The following DORIP1 variants were observed in gnomAD, a reference collection of about 807,000 sequenced individuals.
DORIP1 encodes the protein dopamine receptor interacting protein 1, also known as dopamine receptor-interacting protein 1.
At chr14:44,897,655 A>C in the DORIP1 span, 2 of 154,424 alleles carry the variant, frequency 1.3e-5, no homozygotes, top group Non-Finnish European at 2.9e-5. Flanking sequence ...ATTTGTCCGC[A>C]GTTCTGAGCA....
chr14:44,904,684 A>G, the DORIP1 span: 1 of 840,732 alleles, frequency 1.2e-6, no homozygotes, highest in Admixed American at 3.5e-5. Flanking sequence ...TTTATTACAG[A>G]GAGTCAGTTA....
the DORIP1 span, among the ~76,000 whole-genome samples, chr14:44,901,282 T>A: frequency 3.9e-5 from 6 of 152,330 alleles, no homozygotes; most frequent in Admixed American, 3.3e-4. Flanking sequence ...TCTAGGATGT[T>A]TACACACTAT....
At chr14:44,901,074 C>A in the DORIP1 span, 2 of 1,005,346 alleles carry the variant, frequency 2.0e-6, no homozygotes, top group Non-Finnish European at 1.5e-6. Context: ...CCACATATGC[C>A]ATGCTGGTTT....
chr14:44,903,945 AAT>A, the DORIP1 span: 1 of 974,566 alleles, frequency 1.0e-6, no homozygotes, highest in African/African-American at 1.8e-5. Context: ...TGTATAATTC[AAT>A]ATGTTATATT....
At chr14:44,900,887 AAG>A in the DORIP1 span, 6 of 1,613,872 alleles carry the variant, frequency 3.7e-6, no homozygotes, top group South Asian at 2.2e-5. Context: ...TCTACCATTC[AAG>A]AGAGTTACTG....
the DORIP1 span, chr14:44,900,877 T>C: frequency 5.0e-6 from 8 of 1,614,040 alleles, no homozygotes; most frequent in Non-Finnish European, 6.8e-6. Context: ...AAATCTCATG[T>C]CTACCATTCA....
chr14:44,899,901 G>A, the DORIP1 span, among the ~76,000 whole-genome samples: 22 of 141,140 alleles, frequency 1.6e-4, no homozygotes, highest in African/African-American at 5.4e-4. Flanking sequence ...GCGTGATCTC[G>A]GCTCACCGCA....
chr14:44,906,570 T>C, the DORIP1 span: 1 of 152,616 alleles, frequency 6.6e-6, no homozygotes, highest in Admixed American at 6.5e-5. Context: ...TTTATAGTTA[T>C]CAGAACATTA....
the DORIP1 span, chr14:44,897,432 G>C: frequency 1.0e-5 from 2 of 192,894 alleles, no homozygotes; most frequent in African/African-American, 4.8e-5. Flanking sequence ...ACTCACGCCG[G>C]GGGAGGCCGA....
At chr14:44,902,773 A>G in the DORIP1 span, among the ~76,000 whole-genome samples, 1 of 152,152 alleles carries the variant, frequency 6.6e-6, no homozygotes, top group African/African-American at 2.4e-5. Context: ...AAAATCCTAT[A>G]TTTAAAGCAA....
At chr14:44,904,249 A>G in the DORIP1 span, 2 of 1,367,732 alleles carry the variant, frequency 1.5e-6, no homozygotes, top group Non-Finnish European at 1.9e-6. Context: ...TAAGGTAGTA[A>G]TTACCCTATA....
At chr14:44,901,139 C>G in the DORIP1 span, among the ~76,000 whole-genome samples, 1 of 152,138 alleles carries the variant, frequency 6.6e-6, no homozygotes, top group African/African-American at 2.4e-5. Context: ...CAAAGACTTA[C>G]CATTTTGTTA....
the DORIP1 span, chr14:44,904,107 G>A: frequency 2.3e-5 from 23 of 985,102 alleles, no homozygotes; most frequent in African/African-American, 2.8e-4. Flanking sequence ...ATATAAAAGC[G>A]TTTGTATCAG....
the DORIP1 span, chr14:44,903,901 G>C: frequency 1.0e-6 from 1 of 981,608 alleles, no homozygotes; most frequent in African/African-American, 1.7e-5. Flanking sequence ...CCAGAATACT[G>C]TACCCTGAGC....
the DORIP1 span, among the ~76,000 whole-genome samples, chr14:44,902,179 A>C: frequency 6.6e-6 from 1 of 152,212 alleles, no homozygotes; most frequent in African/African-American, 2.4e-5. Context: ...CAAGTCATAA[A>C]GACAACTCAG....
chr14:44,900,152 G>A, the DORIP1 span, among the ~76,000 whole-genome samples: 2,985 of 151,972 alleles, frequency 0.02, 110 homozygotes, highest in African/African-American at 0.068. Context: ...TTATTACAGG[G>A]TTTCCCTCTG....
the DORIP1 span, among the ~76,000 whole-genome samples, chr14:44,899,981 G>A: frequency 2.0e-5 from 3 of 151,878 alleles, no homozygotes; most frequent in Admixed American, 6.6e-5. Flanking sequence ...ACAGGCATGC[G>A]CCACCACGCC....
the DORIP1 span, chr14:44,897,485 C>G: frequency 4.8e-6 from 1 of 207,486 alleles, no homozygotes; most frequent in Non-Finnish European, 9.4e-6. Context: ...GCGGCGGCGG[C>G]GGCGGCGGCA....
At chr14:44,901,332 T>A in the DORIP1 span, among the ~76,000 whole-genome samples, 89 of 152,338 alleles carry the variant, frequency 5.8e-4, no homozygotes, top group Non-Finnish European at 1.0e-3. Flanking sequence ...TGTGTCCCCA[T>A]TGGATGACAA....
Sources: allele counts gnomAD v4.1 joint callset (sites outside exome capture counted in the v4.1 genomes callset), GRCh38; gene constraint gnomAD v4.1.1; transcripts MANE v1.5; gene names NCBI Gene and HGNC (gene_info 2026-07-23, HGNC 2026-07-21).